NLGN1: variants seen among roughly 807,000 people sequenced by gnomAD.
NLGN1 encodes neuroligin 1.
In NLGN1, 12 loss-of-function variants were observed where a neutral mutation model predicts 65.5. That is an observed-to-expected ratio of 0.18 (90% CI 0.12 to 0.30). The LOEUF is 0.30. NLGN1 is among the 10% of genes least tolerant of loss of function. The probability of loss-of-function intolerance (pLI) is 1.00; values close to 1 mark genes in which losing one functional copy is unlikely to be tolerated. For missense variants in NLGN1, 750 were observed against 1,007.1 expected, an observed-to-expected ratio of 0.74 and a Z score of 3.46; for synonymous variants, 350 against 359.5, an observed-to-expected ratio of 0.97 and a Z score of 0.30.
At chr3:173,719,336 C>CT (rs1770419942) in intron 3 of NLGN1, among the ~76,000 whole-genome samples, 1 of 152,156 alleles carries the variant, frequency 6.6e-6, no homozygotes, top group South Asian at 2.1e-4. Context: ...CCTTAAACTC[C>CT]TTTTTGTGAG....
At chr3:173,929,798 G>A (rs949346474) in intron 4 of NLGN1, among the ~76,000 whole-genome samples, 32 of 151,138 alleles carry the variant, frequency 2.1e-4, no homozygotes, top group African/African-American at 6.6e-4. Context: ...TCTGCCTCTC[G>A]GGTTCAAATG....
intron 4 of NLGN1, among the ~76,000 whole-genome samples, chr3:174,246,300 T>C (rs571229265): frequency 6.6e-6 from 1 of 152,358 alleles, no homozygotes; most frequent in African/African-American, 2.4e-5. Context: ...GTATATGATC[T>C]TATCTTTAAA....
chr3:174,072,206 A>G (rs1305756619), intron 4 of NLGN1, among the ~76,000 whole-genome samples: 2 of 152,192 alleles, frequency 1.3e-5, no homozygotes, highest in Non-Finnish European at 2.9e-5. Context: ...TGCTCCTTTC[A>G]TTCTACAAAT....
At chr3:174,216,288 G>T (rs923073895) in intron 4 of NLGN1, among the ~76,000 whole-genome samples, 2 of 152,084 alleles carry the variant, frequency 1.3e-5, no homozygotes, top group Admixed American at 1.3e-4. Flanking sequence ...CACAGAATGT[G>T]TGAGAGAGAC....
chr3:173,874,697 A>T (rs974621817), intron 4 of NLGN1, among the ~76,000 whole-genome samples: 12 of 152,200 alleles, frequency 7.9e-5, no homozygotes, highest in African/African-American at 2.7e-4. Flanking sequence ...TAAAGTTAAG[A>T]ATCCTTGTCT....
chr3:173,766,016 G>A (rs1330197096), intron 3 of NLGN1, among the ~76,000 whole-genome samples: 1 of 151,560 alleles, frequency 6.6e-6, no homozygotes, highest in African/African-American at 2.4e-5. Context: ...CTAGATTACT[G>A]TACACATATT....
intron 3 of NLGN1, among the ~76,000 whole-genome samples, chr3:173,650,919 T>C (rs1157762036): frequency 6.6e-6 from 1 of 150,808 alleles, no homozygotes; most frequent in Non-Finnish European, 1.5e-5. Context: ...ACTCCTTGCC[T>C]GTTTATTTTT....
At chr3:173,553,068 C>T (rs1053051936) in intron 2 of NLGN1, among the ~76,000 whole-genome samples, 8 of 152,086 alleles carry the variant, frequency 5.3e-5, no homozygotes, top group African/African-American at 1.7e-4. Flanking sequence ...TTAAAATTTA[C>T]GGGGCAGTGC....
intron 3 of NLGN1, among the ~76,000 whole-genome samples, chr3:173,664,895 C>A (rs991732669): frequency 6.6e-6 from 1 of 151,986 alleles, no homozygotes; most frequent in African/African-American, 2.4e-5. Flanking sequence ...TTTAAACACT[C>A]CCCAAAATGC....
At chr3:174,151,023 C>CTT (rs11363123) in intron 4 of NLGN1, among the ~76,000 whole-genome samples, 6 of 150,926 alleles carry the variant, frequency 4.0e-5, no homozygotes, top group African/African-American at 1.5e-4. Flanking sequence ...GGTTCATAGA[C>CTT]TTTTTTTTTC....
At position 173,950,250 on chromosome 3, in the gene NLGN1, G is replaced by A. The variant is rs149173639; in HGVS notation, c.646+142418G>A. Among the ~76,000 whole-genome samples the A allele has an allele frequency of 2.3e-3, 346 of 152,128 alleles. 9 individuals are homozygous for A. The highest frequency in any genetic ancestry group is 0.02 in the Admixed American group (307 of 15,280). On this transcript the variant is annotated intron_variant, in intron 4 of 6. Transcript: ENST00000457714. ...GTAAAACTTTCATTCAGCCAAGTTT[G>A]TTTTAGCTCATGTATAAATATTATG...
At chr3:173,561,598 A>AC (rs1438012399) in intron 2 of NLGN1, among the ~76,000 whole-genome samples, 1 of 152,218 alleles carries the variant, frequency 6.6e-6, no homozygotes, top group Non-Finnish European at 1.5e-5. Flanking sequence ...TGGTAATAAT[A>AC]TAGAATTAAT....
chr3:173,409,737 A>G (rs982296127), intron 1 of NLGN1, among the ~76,000 whole-genome samples: 1 of 152,210 alleles, frequency 6.6e-6, no homozygotes, highest in African/African-American at 2.4e-5. Flanking sequence ...CAACACTCTA[A>G]TATGAATAAG....
chr3:173,641,937 T>C (rs115743699), intron 3 of NLGN1, among the ~76,000 whole-genome samples: 1,583 of 152,178 alleles, frequency 0.01, 33 homozygotes, highest in African/African-American at 0.036. Context: ...CTGCAAAGTC[T>C]AAAATATATA....
intron 2 of NLGN1, among the ~76,000 whole-genome samples, chr3:173,474,274 T>C (rs1047669255): frequency 6.6e-6 from 1 of 152,134 alleles, no homozygotes; most frequent in Non-Finnish European, 1.5e-5. Flanking sequence ...CAGTACTTCA[T>C]GAAAGACTTC....
At chr3:173,725,902 GC>G (rs1322199794) in intron 3 of NLGN1, among the ~76,000 whole-genome samples, 1 of 152,092 alleles carries the variant, frequency 6.6e-6, no homozygotes, top group Non-Finnish European at 1.5e-5. Context: ...CCTAGATGCT[GC>G]CGCTGTTCCT....
chr3:174,063,725 A>C (rs778213894), intron 4 of NLGN1, among the ~76,000 whole-genome samples: 11 of 152,266 alleles, frequency 7.2e-5, no homozygotes, highest in Non-Finnish European at 1.0e-4. Context: ...AGACAGATTA[A>C]GAGAGAAAAA....
intron 3 of NLGN1, among the ~76,000 whole-genome samples, chr3:173,672,607 A>G (rs1182930830): frequency 6.6e-6 from 1 of 152,202 alleles, no homozygotes; most frequent in African/African-American, 2.4e-5. Context: ...TGAATGGGAG[A>G]GCCATGTAGA....
intron 3 of NLGN1, among the ~76,000 whole-genome samples, chr3:173,742,142 A>G (rs1774747466): frequency 6.6e-6 from 1 of 152,140 alleles, no homozygotes; most frequent in South Asian, 2.1e-4. Flanking sequence ...TCCAAGGATA[A>G]CTATACTACA....
Sources: gnomAD v4.1 joint callset for allele counts (sites outside exome capture counted in the v4.1 genomes callset) on GRCh38, gnomAD v4.1.1 for gene constraint, MANE v1.5 for transcripts, NCBI Gene and HGNC (gene_info 2026-07-23, HGNC 2026-07-21) for gene names.